Variants in PSG5 observed in about 807,000 individuals in gnomAD.
PSG5 encodes the protein pregnancy specific beta-1-glycoprotein 5, also known as pregnancy-specific beta-1-glycoprotein 5.
PSG5 carries 53 observed loss-of-function variants against 37.7 expected under a neutral mutation model. The observed-to-expected ratio is 1.41, with a 90% CI of 1.13 to 1.77. The LOEUF (loss-of-function observed/expected upper bound fraction) is 1.77. PSG5 is among the 40% of genes most tolerant of loss of function. The probability of loss-of-function intolerance (pLI) is 0.00; values close to 1 mark genes in which losing one functional copy is unlikely to be tolerated. For synonymous variants in PSG5, 221 were observed against 155.4 expected (o/e 1.42, Z -3.14); for missense variants, 547 against 405.2 (o/e 1.35, Z -3.00).
chr19:43,183,214 A>T (rs1969167629), intron 2 of PSG5: 1 of 326,600 alleles, frequency 3.1e-6, no homozygotes, highest in African/African-American at 2.2e-5. Flanking sequence ...AGCCCTGAGA[A>T]TCCTCTGGTG....
intron 4 of PSG5, among the ~76,000 whole-genome samples, chr19:43,172,744 A>G (rs1599745217): frequency 6.6e-6 from 1 of 151,834 alleles, no homozygotes; most frequent in East Asian, 1.9e-4. Context: ...ACATCAATAA[A>G]TTGAAAGACA....
Position 43,170,215 on chromosome 19 carries a change from A to T in PSG5, c.965-77T>A, listed in dbSNP as rs1968875836. 199 of 1,226,518 alleles carry T rather than the reference A, an allele frequency of 1.6e-4. 6 individuals carry two copies. In the South Asian group the frequency reaches 2.3e-3, roughly 14 times the overall value. The allele number at this position is 1,226,518 out of a possible 1,614,324, so 76.0% of individuals were successfully genotyped here. A position where few individuals can be genotyped will look rare whatever the true frequency, so the allele number is the denominator to read the frequency against. On this transcript the variant is annotated intron_variant, in intron 4 of 5. Transcript: ENST00000342951. ...GGGGGAGCCTCAGGAAGAGGCATGT[A>T]GCATGAGGTACTCTATAATTGTTTC...
In PSG5 at chr19:43,184,958, T is replaced by A. The variant is rs1470230475; in HGVS notation, c.254A>T (p.Asp85Val). Reference sequence around the variant, plus strand: ...AGGCCCATATATATTTATTTGACCGTCTACTACATATGATGTAATGTAATG... The same window carrying A: ...AGGCCCATATATATTTATTTGACCGACTACTACATATGATGTAATGTAATG... ...LYHYITSYVVDGQINIYGPAY... is the reference protein window; with the variant it reads ...LYHYITSYVVVGQINIYGPAY... The change falls in exon 2 of 6, where the codon GAC (aspartate) becomes GTC (valine). Residue 85 changes from aspartate to valine, a missense_variant. Asp to Val is a radical substitution (Grantham distance 152, BLOSUM62 -3). Transcript: ENST00000342951. 4 of 1,612,462 alleles carry A rather than the reference T, an allele frequency of 2.5e-6. No homozygotes were observed. The highest frequency in any genetic ancestry group is 1.3e-5 in the African/African-American group (1 of 74,600).
chr19:43,178,973 A>C (rs763867934), intron 2 of PSG5: 2 of 1,612,762 alleles, frequency 1.2e-6, no homozygotes, highest in Non-Finnish European at 8.5e-7. Flanking sequence ...TTGTGACACC[A>C]AATATAAAGA....
In PSG5 at chr19:43,184,690, C is replaced by T; in HGVS notation, c.430+92G>A. 4 of 1,590,188 alleles carry T rather than the reference C, an allele frequency of 2.5e-6. No homozygotes were observed. In the South Asian group the frequency reaches 3.3e-5, roughly 13 times the overall value. On this transcript the variant is annotated intron_variant, in intron 2 of 5. Coordinates refer to ENST00000342951, the MANE Select transcript of PSG5 (RefSeq NM_002781.4). ...GCATGGGACATAATGCAGAGAGGGA[C>T]ACAGGCACAGTGCAGGCCTGACAAT...
Position 43,185,099 on chromosome 19 carries a change from A to G in PSG5, c.113T>C (p.Ile38Thr), listed in dbSNP as rs182767550. 79 of 1,611,458 alleles carry G rather than the reference A, an allele frequency of 4.9e-5. 1 individual carries two copies. The highest frequency in any genetic ancestry group is 2.1e-4 in the African/African-American group (16 of 74,574). ...GGAAACTTTGGGTGGCAGGGCTTCA[A>G]TCGTGACTTGAGCAGTGATAGGCAG... ...WNLPITAQVT[I>T]EALPPKVSEG... Residue 38 changes from isoleucine (I) to threonine (T), a missense_variant, in exon 2 of 6, where the codon ATT (isoleucine) becomes ACT (threonine). By Grantham distance (89) the Ile-to-Thr change is moderately conservative. Transcript: ENST00000342951.
Position 43,175,232 on chromosome 19 carries a change from A to G in PSG5, c.947T>C (p.Met316Thr), listed in dbSNP as rs1483481453. Residue 316 changes from methionine (M) to threonine (T), a missense_variant, in exon 4 of 6, where the codon ATG becomes ACG. Coordinates refer to ENST00000342951, the MANE Select transcript of PSG5 (RefSeq NM_002781.4). The part of the protein sequence containing the change: ...SATGKESSKS[M>T]TVEVSAPSGI... ...CCACTTACCAGAGACTTCGACTGTC[A>G]TGGATTTGGAGCTTTCCTTGCCAGT... is the stretch of plus-strand genomic sequence containing the variant. 2 of 1,612,684 alleles carry G rather than the reference A, an allele frequency of 1.2e-6. No individual in the cohort carries two copies. Among genetic ancestry groups the G allele is most frequent in the South Asian group, 2.2e-5 (2 of 91,050 alleles).
In PSG5 at chr19:43,168,155, T is replaced by C; in HGVS notation, c.*89A>G. The C allele has an allele frequency of 2.3e-6, 1 of 439,910 alleles. No homozygotes were observed. Among genetic ancestry groups the C allele is most frequent in the Non-Finnish European group, 4.1e-6 (1 of 245,202 alleles). The allele number at this position is 439,910 out of a possible 1,614,324, so 27.3% of individuals were successfully genotyped here. On this transcript the variant is annotated 3_prime_UTR_variant, in exon 6 of 6. Coordinates refer to ENST00000342951, the MANE Select transcript of PSG5 (RefSeq NM_002781.4). ...AATCTCCTTGAAGAAAAAGCAATTT[T>C]GGACTGTAGGTGATTGTAAGTAGTT...
rs182063033 is a variant in PSG5 at position 43,177,120 on chromosome 19, C to G, written c.431-972G>C. ...ATTCTACTCTCTGATTCCATGGATT[C>G]GACTACTCTAGGGACCTCATGTAAG... On this transcript the variant is annotated intron_variant, in intron 2 of 5. Transcript: ENST00000342951. 2.6e-4 allele frequency among the ~76,000 whole-genome samples: 40 copies of G among 151,618 alleles called. 1 individual carries two copies. Among genetic ancestry groups the G allele is most frequent in the African/African-American group, 9.5e-4 (39 of 41,188 alleles).
rs1400450096 is a variant in PSG5, at chr19:43,170,017, C to A, written c.*40+38G>T. The A allele has an allele frequency of 4.6e-6, 6 of 1,301,796 alleles. No individual in the cohort carries two copies. The East Asian group carries it at 1.5e-4, about 33-fold the overall frequency. 80.6% of individuals were successfully genotyped at this position (1,301,796 alleles called of 1,614,324 possible). ...TCCCTCTCCCAAGCATGGCAGTCAGCCCTGCAGGAACCAGGATAAGAGAAA... is the reference window on the plus strand; with the variant it reads ...TCCCTCTCCCAAGCATGGCAGTCAGACCTGCAGGAACCAGGATAAGAGAAA... On this transcript the variant is annotated intron_variant, in intron 5 of 5. Transcript: ENST00000342951.
chr19:43,169,997 C>T (rs1218622635), intron 5 of PSG5, 58 bp downstream of exon 5: 3 of 1,120,512 alleles, frequency 2.7e-6, no homozygotes, highest in African/African-American at 1.6e-5. Flanking sequence ...TCTTTTCCCT[C>T]TCCCAAGCAT....
At chr19:43,186,223 A>T (rs1186704760) in intron 1 of PSG5, 119 bp downstream of exon 1, 3 of 1,527,478 alleles carry the variant, frequency 2.0e-6, no homozygotes, top group Admixed American at 1.8e-5. Flanking sequence ...TAATCCACCC[A>T]CCTCATCCTC....
intron 3 of PSG5, 80 bp from the exon 4 acceptor site, chr19:43,175,549 A>T: frequency 6.6e-7 from 1 of 1,526,568 alleles, no homozygotes; most frequent in South Asian, 1.3e-5. Flanking sequence ...GGACACAGTG[A>T]CCCTCTGAGC....
chr19:43,178,303 C>T (rs10408657), intron 2 of PSG5, among the ~76,000 whole-genome samples: 1,904 of 151,420 alleles, frequency 0.013, 116 homozygotes, highest in African/African-American at 0.045. Flanking sequence ...ATAGATCCCT[C>T]TATGTTTTGG....
At chr19:43,177,733 C>G (rs1439451771) in intron 2 of PSG5, among the ~76,000 whole-genome samples, 3 of 151,484 alleles carry the variant, frequency 2.0e-5, no homozygotes, top group East Asian at 3.9e-4. Flanking sequence ...AGATTTAAGA[C>G]AGAGTTTTCT....
chr19:43,169,349 C>T (rs967492725), intron 5 of PSG5, among the ~76,000 whole-genome samples: 5 of 151,540 alleles, frequency 3.3e-5, no homozygotes, highest in African/African-American at 9.7e-5. Context: ...CTAAAGTCTC[C>T]GTTCTCCATG....
At chr19:43,178,585 G>T (rs562897265) in intron 2 of PSG5, among the ~76,000 whole-genome samples, 1 of 151,594 alleles carries the variant, frequency 6.6e-6, no homozygotes, top group Non-Finnish European at 1.5e-5. Context: ...CAACACTGAA[G>T]TCCCAGCCAA....
intron 4 of PSG5, chr19:43,174,964 T>C (rs1968974276): frequency 2.2e-6 from 3 of 1,356,128 alleles, no homozygotes; most frequent in African/African-American, 1.5e-5. Context: ...CTCTACCACA[T>C]AGGGCTCAGG....
chr19:43,182,699 TC>T (rs1344029359), intron 2 of PSG5, among the ~76,000 whole-genome samples: 1 of 118,074 alleles, frequency 8.5e-6, no homozygotes, highest in East Asian at 3.1e-4. Context: ...AACCAACATT[TC>T]AATAATTTTT....
Sources: gnomAD v4.1 joint callset for allele counts (sites outside exome capture counted in the v4.1 genomes callset) on GRCh38, gnomAD v4.1.1 for gene constraint, MANE v1.5 for transcripts, NCBI Gene and HGNC (gene_info 2026-07-23, HGNC 2026-07-21) for gene names.